PRELID2: variants seen among roughly 807,000 people sequenced by gnomAD.
The protein encoded by PRELID2 is PRELI domain-containing protein 2.
Under a neutral mutation model 28.4 loss-of-function variants are expected in PRELID2, and 25 were observed. The ratio of observed to expected loss-of-function variants is 0.88; its 90% CI spans 0.64 to 1.23. The LOEUF is 1.23. Ranked by LOEUF, PRELID2 falls within the 50% of genes most tolerant of loss-of-function variation. PRELID2 has a pLI of 0.00. For synonymous variants in PRELID2, 76 were observed against 71.6 expected (o/e 1.06, Z -0.31); for missense variants, 201 against 214.4 (o/e 0.94, Z 0.39).
At chr5:145,308,676 C>G in the PRELID2 span, among the ~76,000 whole-genome samples, 1 of 151,586 alleles carries the variant, frequency 6.6e-6, no homozygotes, top group African/African-American at 2.4e-5. Flanking sequence ...ATTTATTAAG[C>G]ATTTAATAGT....
chr5:145,626,465 C>T (rs62394225), intron 1 of PRELID2, among the ~76,000 whole-genome samples: 19,694 of 151,968 alleles, frequency 0.13, 1,809 homozygotes, highest in African/African-American at 0.23. Context: ...ATTAAAACCA[C>T]AATGAGATAC....
intron 1 of PRELID2, among the ~76,000 whole-genome samples, chr5:145,577,065 C>G (rs1753067220): frequency 1.3e-5 from 2 of 152,134 alleles, no homozygotes. Flanking sequence ...GGGACCCTGC[C>G]AGCCAGCCTT....
intron 1 of PRELID2, among the ~76,000 whole-genome samples, chr5:145,629,666 G>GA (rs1367104221): frequency 1.3e-5 from 2 of 152,172 alleles, no homozygotes; most frequent in South Asian, 2.1e-4. Flanking sequence ...AACTCTATGG[G>GA]AAAAAATATT....
At chr5:145,229,227 A>T in the PRELID2 span, 3 of 792,064 alleles carry the variant, frequency 3.8e-6, no homozygotes, top group Admixed American at 3.5e-5. Context: ...GGCCCCCCAG[A>T]TGAAGGTCCC....
intron 1 of PRELID2, among the ~76,000 whole-genome samples, chr5:145,689,379 C>T (rs62392302): frequency 0.046 from 6,941 of 152,206 alleles, 340 homozygotes; most frequent in African/African-American, 0.12. Flanking sequence ...AGCATTGCTA[C>T]GTTACAGAAA....
intron 1 of PRELID2, among the ~76,000 whole-genome samples, chr5:145,501,472 C>T (rs570790725): frequency 1.6e-4 from 24 of 152,164 alleles, no homozygotes; most frequent in African/African-American, 5.5e-4. Flanking sequence ...GGGAGAGACC[C>T]GGTGGGAGGT....
the PRELID2 span, among the ~76,000 whole-genome samples, chr5:145,347,456 T>C: frequency 6.6e-6 from 1 of 152,162 alleles, no homozygotes; most frequent in East Asian, 1.9e-4. Flanking sequence ...TGCTGTTTCC[T>C]CAAAAATAGG....
At chr5:145,343,772 A>T in the PRELID2 span, among the ~76,000 whole-genome samples, 1 of 151,830 alleles carries the variant, frequency 6.6e-6, no homozygotes, top group African/African-American at 2.4e-5. Flanking sequence ...CACTATGTAG[A>T]TGAACCAAGA....
At chr5:145,504,997 T>G (rs1752393210) in intron 1 of PRELID2, among the ~76,000 whole-genome samples, 1 of 152,130 alleles carries the variant, frequency 6.6e-6, no homozygotes, top group Admixed American at 6.6e-5. Flanking sequence ...TGTCTTCACA[T>G]ACTTAAGCAA....
chr5:145,271,327 C>A, the PRELID2 span, among the ~76,000 whole-genome samples: 1 of 151,996 alleles, frequency 6.6e-6, no homozygotes, highest in Admixed American at 6.6e-5. Flanking sequence ...TGGGCTCAAG[C>A]GATTCTTCCA....
At chr5:145,653,839 T>C (rs1056191510) in intron 1 of PRELID2, among the ~76,000 whole-genome samples, 2 of 151,772 alleles carry the variant, frequency 1.3e-5, no homozygotes, top group Admixed American at 1.3e-4. Context: ...ATTAAAAGAA[T>C]TAGAGAAGCA....
chr5:145,761,881 C>T (rs1757493421), intron 6 of PRELID2, among the ~76,000 whole-genome samples: 1 of 152,050 alleles, frequency 6.6e-6, no homozygotes, highest in African/African-American at 2.4e-5. Flanking sequence ...CTACAACCAC[C>T]CCCTCCATTT....
chr5:145,349,721 A>C, the PRELID2 span, among the ~76,000 whole-genome samples: 2 of 152,172 alleles, frequency 1.3e-5, no homozygotes, highest in South Asian at 4.1e-4. Flanking sequence ...CATGGGACCT[A>C]TAGCTATTTC....
intron 1 of PRELID2, among the ~76,000 whole-genome samples, chr5:145,630,071 A>C (rs1351664388): frequency 2.0e-5 from 3 of 152,180 alleles, no homozygotes; most frequent in Admixed American, 1.3e-4. Context: ...GTTTTAGCAT[A>C]TTCAGACTCT....
chr5:145,319,409 G>A, the PRELID2 span, among the ~76,000 whole-genome samples: 2 of 152,196 alleles, frequency 1.3e-5, no homozygotes, highest in East Asian at 1.9e-4. Context: ...TGGCTCATGC[G>A]TGTAATCCCA....
chr5:145,338,713 T>A, the PRELID2 span, among the ~76,000 whole-genome samples: 1 of 152,232 alleles, frequency 6.6e-6, no homozygotes, highest in Admixed American at 6.5e-5. Context: ...TACCACATGC[T>A]ATTTGATTTT....
At chr5:145,772,761 G>A (rs750233221) in intron 5 of PRELID2, among the ~76,000 whole-genome samples, 18 of 152,154 alleles carry the variant, frequency 1.2e-4, no homozygotes, top group Admixed American at 2.0e-4. Context: ...CATAGCAAGA[G>A]CTTTTCTTCC....
At chr5:145,442,621 G>A in the PRELID2 span, among the ~76,000 whole-genome samples, 3 of 152,026 alleles carry the variant, frequency 2.0e-5, no homozygotes, top group African/African-American at 7.2e-5. Context: ...AGGTTAGTGA[G>A]GGATTTAGGA....
the PRELID2 span, among the ~76,000 whole-genome samples, chr5:145,366,668 G>A: frequency 6.6e-6 from 1 of 151,690 alleles, no homozygotes; most frequent in African/African-American, 2.4e-5. Flanking sequence ...GACTATTTCT[G>A]TTGAAATTGT....
Sources: gnomAD v4.1 joint callset for allele counts (sites outside exome capture counted in the v4.1 genomes callset) on GRCh38, gnomAD v4.1.1 for gene constraint, MANE v1.5 for transcripts, NCBI Gene and HGNC (gene_info 2026-07-23, HGNC 2026-07-21) for gene names.